Variants in ABCC8 observed in about 807,000 individuals in gnomAD.
The protein encoded by ABCC8 is ATP binding cassette subfamily C member 8.
In ABCC8, 137 loss-of-function variants were observed where a neutral mutation model predicts 188.0. The ratio of observed to expected loss-of-function variants is 0.73; its 90% CI spans 0.63 to 0.84. The LOEUF (loss-of-function observed/expected upper bound fraction) is 0.84, where lower values mean the gene tolerates loss of function less well. ABCC8 is among the 40% of genes least tolerant of loss of function. ABCC8 has a pLI of 0.00. For missense variants in ABCC8, 1,750 were observed against 2,072.7 expected, an observed-to-expected ratio of 0.84 and a Z score of 3.02; for synonymous variants, 797 against 846.5, an observed-to-expected ratio of 0.94 and a Z score of 1.01.
Position 17,408,769 on chromosome 11 carries a change from G to T in ABCC8, c.2695-252C>A, listed in dbSNP as rs78483822. 0.034 allele frequency among the ~76,000 whole-genome samples: 5,154 copies of T among 152,186 alleles called. 159 individuals carry two copies. Among genetic ancestry groups the T allele is most frequent in the African/African-American group, 0.068 (2,827 of 41,484 alleles). On this transcript the variant is annotated intron_variant, in intron 22 of 38. Transcript: ENST00000389817. ...TTTGCAGAGCAAATTAGTGCATCCT[G>T]CTCAAGCTGGCTGGTTACTCACAAG...
At chr11:17,428,905 T>G (rs1199285653) in intron 12 of ABCC8, 3 of 675,432 alleles carry the variant, frequency 4.4e-6, no homozygotes, top group Non-Finnish European at 7.3e-6. Flanking sequence ...GAGGTGAGAT[T>G]GGTTAGTTTT....
rs1413089349 is a variant in ABCC8, at chr11:17,395,713, T to C, written c.4204A>G (p.Ile1402Val). ...GCGATGTCAATGCCATCAATGATGA[T>C]GTGCCCTGCATGGGTCCCAGTGAGG... ...FRMVDTFEGHIIIDGIDIAKL... is the reference protein window; with the variant it reads ...FRMVDTFEGHVIIDGIDIAKL... The change falls in exon 35 of 39, where the codon ATC (isoleucine) becomes GTC (valine). Residue 1402 changes from isoleucine to valine, a missense_variant. By Grantham distance (29) the Ile-to-Val change is conservative. Coordinates refer to ENST00000389817, the MANE Select transcript of ABCC8 (RefSeq NM_000352.6). 5.8e-6 allele frequency: 9 copies of C among 1,554,242 alleles called. No homozygotes were observed. In the Admixed American group the frequency reaches 5.9e-5, roughly 10 times the overall value.
chr11:17,461,762 C>A lies in ABCC8; in HGVS notation c.643G>T (p.Val215Leu). The change falls in exon 5 of 39, where the codon GTA becomes TTA. Residue 215 changes from valine (V) to leucine (L), a missense_variant. Val to Leu is a conservative substitution (Grantham distance 32, BLOSUM62 1). Coordinates refer to ENST00000389817, the MANE Select transcript of ABCC8 (RefSeq NM_000352.6). ...TTCACGAAGGGCTGCAGGAAGCGTA[C>A]CCCCAGGTCTTGCAGGTCCTCGGGA... The part of the protein sequence containing the change: ...KPPEDLQDLG[V>L]RFLQPFVNLL... 6.2e-7 allele frequency: 1 copy of A among 1,614,122 alleles called. No individual in the cohort carries two copies. The highest frequency in any genetic ancestry group is 8.5e-7 in the Non-Finnish European group (1 of 1,180,020).
intron 10 of ABCC8, among the ~76,000 whole-genome samples, chr11:17,438,940 C>T (rs771205240): frequency 4.6e-5 from 7 of 152,250 alleles, no homozygotes; most frequent in Non-Finnish European, 7.3e-5. Context: ...AGTGCAATCA[C>T]GCTTGCTAGG....
At position 17,404,445 on chromosome 11, in the gene ABCC8, A is replaced by C. The variant is rs1591736273; in HGVS notation, c.3557+67T>G. 8 of 1,482,000 alleles carry C rather than the reference A, an allele frequency of 5.4e-6. No homozygotes were observed. The Middle Eastern group carries it at 5.2e-4, about 96-fold the overall frequency. The allele number at this position is 1,482,000 out of a possible 1,614,324, so 91.8% of individuals were successfully genotyped here. ...CGACCCTATTACTCTCATAACGATG[A>C]GTCTAGCAAGTACACCAAACTGCAC... On this transcript the variant is annotated intron_variant, in intron 28 of 38. Transcript: ENST00000389817. The surrounding 1 kb of genome is among the most constrained non-coding windows in gnomAD (Gnocchi z 4.7).
At chr11:17,398,555 C>A in intron 29 of ABCC8, 114 bp from the exon 30 acceptor site, 1 of 1,554,598 alleles carries the variant, frequency 6.4e-7, no homozygotes, top group South Asian at 1.2e-5. Flanking sequence ...AGACATGCCA[C>A]CGTGGCCACT....
intron 22 of ABCC8, chr11:17,410,255 C>T (rs1291474780): frequency 8.3e-6 from 4 of 480,698 alleles, no homozygotes; most frequent in Non-Finnish European, 1.5e-5. Context: ...ATTCCTGAGA[C>T]TTCTTGGTGC....
intron 6 of ABCC8, among the ~76,000 whole-genome samples, chr11:17,458,797 C>T (rs570879602): frequency 5.4e-4 from 82 of 152,344 alleles, no homozygotes; most frequent in African/African-American, 1.9e-3. Flanking sequence ...CCTACTCATC[C>T]GTCAAGACCC....
chr11:17,464,530 A>G, intron 3 of ABCC8, among the ~76,000 whole-genome samples: 1 of 152,224 alleles, frequency 6.6e-6, no homozygotes, highest in East Asian at 1.9e-4. Flanking sequence ...AGTGCTACCT[A>G]GAAGGTTCTT....
intron 6 of ABCC8, among the ~76,000 whole-genome samples, chr11:17,457,800 G>C (rs993309820): frequency 6.6e-6 from 1 of 152,226 alleles, no homozygotes; most frequent in African/African-American, 2.4e-5. Flanking sequence ...TGCCAACTCT[G>C]AGTATCTTAG....
rs574613785 is a variant in ABCC8, at chr11:17,427,528, C to G, written c.2116+339G>C. Reference sequence around the variant, plus strand: ...TGCCTCTGCCAGAAAATCCTCCTGCCTCATGGCCTCAGGGCCTTTGTCCAT... The same window carrying G: ...TGCCTCTGCCAGAAAATCCTCCTGCGTCATGGCCTCAGGGCCTTTGTCCAT... On this transcript the variant is annotated intron_variant, in intron 15 of 38. Coordinates refer to ENST00000389817, the MANE Select transcript of ABCC8 (RefSeq NM_000352.6). This position sits in a 1 kb window ranked among gnomAD's most constrained non-coding sequence, Gnocchi z 5.0. 1.3e-5 allele frequency among the ~76,000 whole-genome samples: 2 copies of G among 152,206 alleles called. No individual in the cohort carries two copies. Among genetic ancestry groups the G allele is most frequent in the Non-Finnish European group, 2.9e-5 (2 of 68,042 alleles).
chr11:17,400,797 G>A (rs759306032), intron 29 of ABCC8, among the ~76,000 whole-genome samples: 7 of 152,166 alleles, frequency 4.6e-5, no homozygotes, highest in Admixed American at 6.5e-5. Flanking sequence ...GTGGCGATTC[G>A]TACCTATGTT....
At chr11:17,450,270 C>A (rs866390720) in intron 7 of ABCC8, among the ~76,000 whole-genome samples, 10 of 116,746 alleles carry the variant, frequency 8.6e-5, no homozygotes, top group Admixed American at 1.6e-4. Context: ...CTCTTTCTTT[C>A]TTTCTTTCTT....
intron 16 of ABCC8, among the ~76,000 whole-genome samples, chr11:17,426,075 C>T (rs533979555): frequency 4.5e-4 from 69 of 152,276 alleles, no homozygotes; most frequent in African/African-American, 1.6e-3. Context: ...TTTCTTTATC[C>T]AGTCTATCAT....
At chr11:17,424,922 G>T (rs781192842) in intron 16 of ABCC8, among the ~76,000 whole-genome samples, 7 of 152,210 alleles carry the variant, frequency 4.6e-5, no homozygotes, top group African/African-American at 1.7e-4. Context: ...AAACTTAGTA[G>T]GAGGCTTGAT....
At position 17,473,448 on chromosome 11, in the gene ABCC8, G is replaced by A. The variant is rs574390766; in HGVS notation, c.290+1438C>T. On this transcript the variant is annotated intron_variant, in intron 2 of 38. Transcript: ENST00000389817. ...CATTGGGGAAGGGAAGGTGGGGAAC[G>A]GGAGGGAGGATGAGGGAGCCTATCC... is the stretch of plus-strand genomic sequence containing the variant. Among the ~76,000 whole-genome samples, 10 of 152,264 alleles carry A rather than the reference G, an allele frequency of 6.6e-5. No individual in the cohort carries two copies. The East Asian group carries it at 1.2e-3, about 18-fold the overall frequency.
intron 12 of ABCC8, chr11:17,428,993 T>A: frequency 2.4e-6 from 1 of 422,102 alleles, no homozygotes; most frequent in East Asian, 4.6e-5. Flanking sequence ...GGGTTAAGGT[T>A]AGTTAGGACT....
Position 17,408,421 on chromosome 11 carries a change from T to C in ABCC8, c.2791A>G (p.Met931Val). Residue 931 changes from methionine to valine, a missense_variant, in exon 23 of 39, where the codon ATG (methionine) becomes GTG (valine). Coordinates refer to ENST00000389817, the MANE Select transcript of ABCC8 (RefSeq NM_000352.6). ...CQLFEHWKTLMNRQDQELEKE... is the reference protein window; with the variant it reads ...CQLFEHWKTLVNRQDQELEKE... ...TCCAGCTCTTGGTCCTGTCGGTTCA[T>C]GAGGGTCTTCCAGTGCTCAAAGAGC... The C allele has an allele frequency of 6.2e-7, 1 of 1,613,742 alleles. No homozygotes were observed. Among genetic ancestry groups the C allele is most frequent in the Non-Finnish European group, 8.5e-7 (1 of 1,180,022 alleles).
chr11:17,430,787 G>C (rs1023327381), intron 12 of ABCC8, 27 bp downstream of exon 12: 7 of 1,610,902 alleles, frequency 4.3e-6, no homozygotes, highest in Non-Finnish European at 5.1e-6. Flanking sequence ...TGCCTGCCCA[G>C]TGCCCTCGCC....
Sources: allele counts gnomAD v4.1 joint callset (sites outside exome capture counted in the v4.1 genomes callset), GRCh38; gene constraint gnomAD v4.1.1; non-coding constraint Gnocchi (gnomAD v3.1); transcripts MANE v1.5; gene names NCBI Gene and HGNC (gene_info 2026-07-23, HGNC 2026-07-21).